TRPC4: variants seen among roughly 807,000 people sequenced by gnomAD.
TRPC4 encodes the protein transient receptor potential cation channel subfamily C member 4, also known as short transient receptor potential channel 4.
In TRPC4, 49 loss-of-function variants were observed where a neutral mutation model predicts 99.4. That is an observed-to-expected ratio of 0.49 (90% CI 0.39 to 0.63). The LOEUF is 0.63. Ranked by LOEUF, TRPC4 falls within the 20% of genes least tolerant of loss-of-function variation. The probability of loss-of-function intolerance (pLI) is 0.00; values close to 1 mark genes in which losing one functional copy is unlikely to be tolerated. For synonymous variants in TRPC4, 454 were observed against 425.9 expected (o/e 1.07, Z -0.81); for missense variants, 898 against 1,152.9 (o/e 0.78, Z 3.20).
At chr13:37,863,642 A>T (rs1245421305) in intron 1 of TRPC4, among the ~76,000 whole-genome samples, 1 of 151,642 alleles carries the variant, frequency 6.6e-6, no homozygotes, top group African/African-American at 2.4e-5. Context: ...ATCTTTACAT[A>T]AAAAGAAACT....
chr13:37,649,435 T>G (rs1022661345), intron 8 of TRPC4, among the ~76,000 whole-genome samples: 1 of 152,024 alleles, frequency 6.6e-6, no homozygotes. Context: ...AGTAATTGCT[T>G]ATTAAATCTA....
rs1213702195 is a variant in TRPC4 at position 37,746,563 on chromosome 13, C to T, written c.379-108G>A. 6 of 1,150,290 alleles carry T rather than the reference C, an allele frequency of 5.2e-6. No individual in the cohort carries two copies. In the African/African-American group the frequency reaches 1.2e-4, roughly 22 times the overall value. 71.3% of individuals were successfully genotyped at this position (1,150,290 alleles called of 1,614,324 possible). On this transcript the variant is annotated intron_variant, in intron 2 of 10. Transcript: ENST00000379705. ...TGGAACAGGGTTTATATGTCCTTGG[C>T]CGGGTTTTTTTTTTTTTGTAGGAGA...
intron 3 of TRPC4, among the ~76,000 whole-genome samples, chr13:37,708,129 A>T (rs1954353650): frequency 6.6e-6 from 1 of 152,162 alleles, no homozygotes; most frequent in South Asian, 2.1e-4. Context: ...AATAGAATTA[A>T]AATCTTAGCA....
intron 1 of TRPC4, among the ~76,000 whole-genome samples, chr13:37,823,046 T>C (rs1445398594): frequency 6.6e-6 from 1 of 150,772 alleles, no homozygotes; most frequent in Admixed American, 6.6e-5. Context: ...TTTTCATGTG[T>C]TTTTTGGCTG....
intron 10 of TRPC4, among the ~76,000 whole-genome samples, chr13:37,638,838 A>G (rs1003591630): frequency 6.6e-6 from 1 of 152,190 alleles, no homozygotes; most frequent in Admixed American, 6.5e-5. Context: ...TGTATGTTTG[A>G]AAACAATTTA....
chr13:37,735,026 A>G (rs1955353964), intron 3 of TRPC4, among the ~76,000 whole-genome samples: 1 of 152,152 alleles, frequency 6.6e-6, no homozygotes, highest in Non-Finnish European at 1.5e-5. Context: ...TATGCCACCT[A>G]GAAGCCATTT....
At position 37,633,023 on chromosome 13, in the gene TRPC4, A is replaced by C. The variant is rs939022908; in HGVS notation, c.*3880T>G. Among the ~76,000 whole-genome samples the C allele has an allele frequency of 6.6e-6, 1 of 152,166 alleles. No homozygotes were observed. The highest frequency in any genetic ancestry group is 1.5e-5 in the Non-Finnish European group (1 of 68,030). On this transcript the variant is annotated 3_prime_UTR_variant, in exon 11 of 11. Coordinates refer to ENST00000379705, the MANE Select transcript of TRPC4 (RefSeq NM_016179.4). ...AAGCCCCAACTTGACCACCAAACAC[A>C]TGGGTAAATTTAGATAATTTCCATA...
intron 3 of TRPC4, among the ~76,000 whole-genome samples, chr13:37,693,678 C>G (rs1384260879): frequency 6.6e-6 from 1 of 152,144 alleles, no homozygotes; most frequent in African/African-American, 2.4e-5. Flanking sequence ...AGGTGACATT[C>G]AAAGAGTAAT....
At chr13:37,691,373 G>A (rs546736949) in intron 4 of TRPC4, among the ~76,000 whole-genome samples, 119 of 152,208 alleles carry the variant, frequency 7.8e-4, no homozygotes, top group African/African-American at 2.8e-3. Context: ...CAAAGTGCTG[G>A]GATTACAGGC....
intron 3 of TRPC4, among the ~76,000 whole-genome samples, chr13:37,694,779 G>A (rs570401187): frequency 3.5e-4 from 53 of 152,262 alleles, no homozygotes; most frequent in African/African-American, 1.3e-3. Context: ...GGACTAAGAA[G>A]AGCAGGAGTG....
intron 2 of TRPC4, among the ~76,000 whole-genome samples, chr13:37,765,683 T>G (rs934524609): frequency 5.3e-5 from 8 of 151,422 alleles, no homozygotes; most frequent in Admixed American, 1.3e-4. Context: ...CACTAAACAT[T>G]GCTAAATTGC....
chr13:37,724,234 C>G (rs1954963286), intron 3 of TRPC4, among the ~76,000 whole-genome samples: 1 of 152,006 alleles, frequency 6.6e-6, no homozygotes, highest in Non-Finnish European at 1.5e-5. Flanking sequence ...CAATTTAAAA[C>G]TGTGGGTGTG....
intron 1 of TRPC4, among the ~76,000 whole-genome samples, chr13:37,817,398 T>C (rs1957888409): frequency 6.6e-6 from 1 of 152,008 alleles, no homozygotes; most frequent in South Asian, 2.1e-4. Flanking sequence ...TGGAAAAACA[T>C]TCCATGTTCA....
At chr13:37,869,197 G>A (rs753964399) in intron 1 of TRPC4, among the ~76,000 whole-genome samples, 1 of 151,988 alleles carries the variant, frequency 6.6e-6, no homozygotes, top group Admixed American at 6.6e-5. Flanking sequence ...ATGCCCCCGA[G>A]ATCTCCATTT....
chr13:37,734,219 T>G (rs1037018675), intron 3 of TRPC4, among the ~76,000 whole-genome samples: 15 of 152,192 alleles, frequency 9.9e-5, no homozygotes, highest in African/African-American at 3.1e-4. Flanking sequence ...GTTTTATTTT[T>G]AGGAAAGTCT....
At chr13:37,679,923 T>C (rs1027533098) in intron 4 of TRPC4, among the ~76,000 whole-genome samples, 6 of 152,214 alleles carry the variant, frequency 3.9e-5, no homozygotes, top group Non-Finnish European at 8.8e-5. Flanking sequence ...ACACATTTTT[T>C]TCCATACCTA....
At chr13:37,857,614 A>G (rs758620303) in intron 1 of TRPC4, among the ~76,000 whole-genome samples, 3 of 151,660 alleles carry the variant, frequency 2.0e-5, no homozygotes, top group Non-Finnish European at 4.4e-5. Context: ...ACAAATCTAC[A>G]CACCCACAGT....
intron 1 of TRPC4, among the ~76,000 whole-genome samples, chr13:37,810,986 G>A (rs532172242): frequency 9.3e-5 from 14 of 151,340 alleles, no homozygotes; most frequent in Non-Finnish European, 1.6e-4. Flanking sequence ...TATTATAATC[G>A]CATGCTTTCT....
Position 37,865,037 on chromosome 13 carries a change from T to C in TRPC4, c.-28+4558A>G, listed in dbSNP as rs9594237. ...ACTTTTGTAATGGTAGTACATATAT[T>C]CAAAGAAAGTATTCCTTCAACCTCA... On this transcript the variant is annotated intron_variant, in intron 1 of 10. Coordinates refer to ENST00000379705, the MANE Select transcript of TRPC4 (RefSeq NM_016179.4). Among the ~76,000 whole-genome samples, 721 of 151,858 alleles carry C rather than the reference T, an allele frequency of 4.7e-3. 3 individuals carry two copies. The highest frequency in any genetic ancestry group is 0.016 in the African/African-American group (677 of 41,554).
Sources: allele counts gnomAD v4.1 joint callset (sites outside exome capture counted in the v4.1 genomes callset), GRCh38; gene constraint gnomAD v4.1.1; transcripts MANE v1.5; gene names NCBI Gene and HGNC (gene_info 2026-07-23, HGNC 2026-07-21).